The following FRYL variants were observed in gnomAD, a reference collection of about 807,000 sequenced individuals.
FRYL encodes protein furry homolog-like.
FRYL carries 150 observed loss-of-function variants against 351.2 expected under a neutral mutation model. The observed-to-expected ratio is 0.43, with a 90% CI of 0.37 to 0.49. FRYL has a LOEUF of 0.49. FRYL is among the 20% of genes least tolerant of loss of function. The pLI, the probability that FRYL is intolerant of heterozygous loss-of-function variation, is 0.00. For missense variants in FRYL, 3,036 were observed against 3,619.3 expected, an observed-to-expected ratio of 0.84 and a Z score of 4.13; for synonymous variants, 1,153 against 1,257.1, an observed-to-expected ratio of 0.92 and a Z score of 1.75.
intron 45 of FRYL, 123 bp from the exon 46 acceptor site, chr4:48,541,083 G>T: frequency 1.1e-6 from 1 of 905,978 alleles, no homozygotes; most frequent in Non-Finnish European, 1.6e-6. Flanking sequence ...CAGTATATCT[G>T]ACTTTGTTGA....
chr4:48,548,843 T>A (rs1334493469), intron 39 of FRYL, 50 bp from the exon 40 acceptor site: 1 of 1,047,770 alleles, frequency 9.5e-7, no homozygotes, highest in Non-Finnish European at 1.4e-6. Flanking sequence ...TCAGTAAACC[T>A]AGAGAGAATT....
intron 3 of FRYL, among the ~76,000 whole-genome samples, chr4:48,667,387 C>T (rs1317334678): frequency 6.6e-6 from 1 of 151,644 alleles, no homozygotes; most frequent in Non-Finnish European, 1.5e-5. Context: ...ATAAAACATC[C>T]GGCCTTCCAA....
intron 50 of FRYL, among the ~76,000 whole-genome samples, chr4:48,529,571 G>A (rs547394567): frequency 6.6e-6 from 1 of 152,162 alleles, no homozygotes; most frequent in South Asian, 2.1e-4. Context: ...TAACAAATAT[G>A]CTTTCTACAT....
Position 48,500,203 on chromosome 4 carries a change from C to T in FRYL, c.8610G>A (p.Glu2870=). 6.3e-7 allele frequency: 1 copy of T among 1,582,412 alleles called. No individual in the cohort carries two copies. The highest frequency in any genetic ancestry group is 1.2e-5 in the South Asian group (1 of 84,380). Residue 2870 remains glutamate, a synonymous_variant, in exon 63 of 64, where the codon GAG becomes GAA. Transcript: ENST00000358350. The stretch of plus-strand genomic sequence containing the variant: ...GGATACTTTCCAGTTGGGCAAGTTC[C>T]TCTGACATGTTGATGACCTAAAACA... ...KNEAEVINMS[E]ELAQLESILK...
intron 1 of FRYL, among the ~76,000 whole-genome samples, chr4:48,711,320 G>A (rs1767984754): frequency 6.6e-6 from 1 of 152,234 alleles, no homozygotes; most frequent in Non-Finnish European, 1.5e-5. Flanking sequence ...TCAAAGAAAG[G>A]GGTGACAGAT....
intron 13 of FRYL, 22 bp from the exon 14 acceptor site, chr4:48,596,022 T>C (rs1322692017): frequency 6.8e-7 from 1 of 1,460,818 alleles, no homozygotes; most frequent in Admixed American, 1.9e-5. Context: ...CAAAAGAGAA[T>C]AAACTTATTA....
At chr4:48,584,394 A>G (rs1457813240) in intron 19 of FRYL, among the ~76,000 whole-genome samples, 5 of 152,218 alleles carry the variant, frequency 3.3e-5, no homozygotes, top group Admixed American at 1.3e-4. Context: ...CACGAAGCCA[A>G]CTTTCAACTG....
chr4:48,558,699 T>C (rs1734704219), intron 33 of FRYL, among the ~76,000 whole-genome samples: 1 of 152,238 alleles, frequency 6.6e-6, no homozygotes, highest in South Asian at 2.1e-4. Context: ...TTTGGTTCTA[T>C]ATAGGGGAGA....
At chr4:48,621,954 T>A (rs1339955795) in intron 5 of FRYL, among the ~76,000 whole-genome samples, 2 of 152,166 alleles carry the variant, frequency 1.3e-5, no homozygotes, top group African/African-American at 4.8e-5. Context: ...ACCATACTTT[T>A]AAAAAACCTA....
At chr4:48,580,541 C>A (rs1740671947) in intron 22 of FRYL, 1 of 278,462 alleles carries the variant, frequency 3.6e-6, no homozygotes, top group Non-Finnish European at 6.6e-6. Flanking sequence ...ACAAGTATTT[C>A]TATCTCACGA....
intron 33 of FRYL, among the ~76,000 whole-genome samples, chr4:48,558,701 T>C (rs1202044799): frequency 2.6e-5 from 4 of 152,216 alleles, no homozygotes; most frequent in African/African-American, 9.6e-5. Flanking sequence ...TGGTTCTATA[T>C]AGGGGAGATG....
intron 4 of FRYL, among the ~76,000 whole-genome samples, chr4:48,632,155 A>AAT (rs1386218680): frequency 2.2e-5 from 3 of 138,224 alleles, no homozygotes; most frequent in African/African-American, 5.4e-5. Flanking sequence ...CAAATATATA[A>AAT]ATATATATAT....
chr4:48,682,851 A>G (rs1764766126), intron 3 of FRYL, among the ~76,000 whole-genome samples: 2 of 152,218 alleles, frequency 1.3e-5, no homozygotes, highest in African/African-American at 4.8e-5. Flanking sequence ...ATTGTGGAAG[A>G]CAATGTGGTG....
intron 3 of FRYL, among the ~76,000 whole-genome samples, chr4:48,679,711 T>A (rs923223289): frequency 2.0e-5 from 3 of 152,014 alleles, no homozygotes; most frequent in African/African-American, 7.2e-5. Flanking sequence ...AAATGATAAA[T>A]GTCTGAGATG....
intron 3 of FRYL, among the ~76,000 whole-genome samples, chr4:48,651,333 G>A (rs894143544): frequency 1.7e-5 from 2 of 116,816 alleles, no homozygotes; most frequent in Non-Finnish European, 3.7e-5. Flanking sequence ...GTGTGTGTGT[G>A]TGTGTGTAGT....
chr4:48,732,454 C>T (rs943706078), intron 1 of FRYL, among the ~76,000 whole-genome samples: 1 of 152,084 alleles, frequency 6.6e-6, no homozygotes, highest in Non-Finnish European at 1.5e-5. Context: ...ATAAATCATT[C>T]TACTATAAAG....
intron 3 of FRYL, chr4:48,653,816 C>CAGCAGCAGCAGAAGCAGA: frequency 9.3e-7 from 1 of 1,074,406 alleles, no homozygotes; most frequent in African/African-American, 1.7e-5. Context: ...AAAGCAGCAG[C>CAGCAGCAGCAGAAGCAGA]AGCAGCAGCA....
Position 48,550,699 on chromosome 4 carries a change from A to T in FRYL, c.4526T>A (p.Val1509Glu). The T allele has an allele frequency of 1.2e-6, 2 of 1,606,176 alleles. No individual in the cohort carries two copies. The highest frequency in any genetic ancestry group is 1.7e-6 in the Non-Finnish European group (2 of 1,172,796). Residue 1509 changes from valine (V) to glutamate (E), a missense_variant, in exon 38 of 64, where the codon GTG becomes GAG. Val to Glu is a moderately radical substitution (Grantham distance 121). Transcript: ENST00000358350. Reference sequence around the variant, plus strand: ...TAGTCCACTGTAAATGTCCAGGTGCACATAGCTATGGGAATGATCACTGAA... The same window carrying T: ...TAGTCCACTGTAAATGTCCAGGTGCTCATAGCTATGGGAATGATCACTGAA... The part of the protein sequence containing the change: ...PIKENIEESY[V>E]HLDIYSGLNS...
intron 45 of FRYL, 96 bp from the exon 46 acceptor site, chr4:48,541,056 C>A (rs1404302532): frequency 1.7e-6 from 2 of 1,202,148 alleles, no homozygotes; most frequent in Non-Finnish European, 2.2e-6. Context: ...GTAACTGGTA[C>A]CAGAAAAATC....
Sources: gnomAD v4.1 joint callset for allele counts (sites outside exome capture counted in the v4.1 genomes callset) on GRCh38, gnomAD v4.1.1 for gene constraint, MANE v1.5 for transcripts, NCBI Gene and HGNC (gene_info 2026-07-23, HGNC 2026-07-21) for gene names.